ASIC2: variants seen among roughly 807,000 people sequenced by gnomAD.
ASIC2 encodes acid sensing ion channel subunit 2.
In ASIC2, 25 loss-of-function variants were observed where a neutral mutation model predicts 57.3. The observed-to-expected ratio is 0.44, with a 90% CI of 0.32 to 0.61. The LOEUF is 0.61. Ranked by LOEUF, ASIC2 falls within the 20% of genes least tolerant of loss-of-function variation. The pLI is 0.06. For missense variants in ASIC2, 641 were observed against 738.1 expected, an observed-to-expected ratio of 0.87 and a Z score of 1.52; for synonymous variants, 319 against 307.5, an observed-to-expected ratio of 1.04 and a Z score of -0.39.
chr17:33,606,647 T>G (rs1905239570), intron 1 of ASIC2, among the ~76,000 whole-genome samples: 1 of 152,222 alleles, frequency 6.6e-6, no homozygotes, highest in Admixed American at 6.5e-5. Context: ...GTATGTAGCA[T>G]AGTGCCTGGC....
At chr17:33,635,236 GATA>G (rs539442098) in intron 1 of ASIC2, among the ~76,000 whole-genome samples, 99 of 152,284 alleles carry the variant, frequency 6.5e-4, no homozygotes, top group Admixed American at 2.2e-3. Flanking sequence ...GGTCAATAAT[GATA>G]ATAATAACGT....
chr17:33,387,784 C>T (rs1217364198), intron 1 of ASIC2, among the ~76,000 whole-genome samples: 2 of 152,144 alleles, frequency 1.3e-5, no homozygotes, highest in Non-Finnish European at 2.9e-5. Context: ...TTGAAATTTG[C>T]TAAGAGGGGA....
At chr17:33,569,638 C>G (rs112094628) in intron 1 of ASIC2, among the ~76,000 whole-genome samples, 1 of 152,028 alleles carries the variant, frequency 6.6e-6, no homozygotes, top group Non-Finnish European at 1.5e-5. Context: ...CATGCACACA[C>G]CCAGCTATTT....
At chr17:33,738,837 G>A (rs1489113039) in intron 1 of ASIC2, among the ~76,000 whole-genome samples, 1 of 152,208 alleles carries the variant, frequency 6.6e-6, no homozygotes, top group East Asian at 1.9e-4. Flanking sequence ...GGTGGCTTAA[G>A]TCAGCTCTCA....
At chr17:34,095,088 T>C (rs1910469120) in intron 1 of ASIC2, among the ~76,000 whole-genome samples, 1 of 152,202 alleles carries the variant, frequency 6.6e-6, no homozygotes, top group Admixed American at 6.5e-5. Context: ...ATATATAAAA[T>C]GGAAACATTA....
chr17:33,363,562 C>T (rs1908691780), intron 1 of ASIC2, among the ~76,000 whole-genome samples: 1 of 152,220 alleles, frequency 6.6e-6, no homozygotes, highest in South Asian at 2.1e-4. Context: ...GGGTCAGAAA[C>T]CTAGCCCTGC....
intron 1 of ASIC2, among the ~76,000 whole-genome samples, chr17:33,593,028 T>G (rs1436021294): frequency 6.6e-6 from 1 of 152,194 alleles, no homozygotes; most frequent in Non-Finnish European, 1.5e-5. Context: ...TTGAAGTGTA[T>G]GTCTATTTTT....
intron 1 of ASIC2, among the ~76,000 whole-genome samples, chr17:33,661,079 G>A (rs975561664): frequency 9.9e-5 from 15 of 152,082 alleles, no homozygotes; most frequent in African/African-American, 3.4e-4. Context: ...AGCTCCCGGG[G>A]AGAAGCCAAG....
intron 1 of ASIC2, among the ~76,000 whole-genome samples, chr17:33,506,210 T>C (rs112325702): frequency 0.016 from 2,068 of 133,280 alleles, 26 homozygotes; most frequent in Admixed American, 0.022. Flanking sequence ...CTGGCTAACA[T>C]GGTGAAACCC....
intron 1 of ASIC2, among the ~76,000 whole-genome samples, chr17:33,670,131 A>G (rs1167884935): frequency 6.6e-6 from 1 of 152,136 alleles, no homozygotes; most frequent in Non-Finnish European, 1.5e-5. Context: ...ACCAAAACAG[A>G]GACTGGCAGC....
chr17:33,755,878 G>C (rs1478033208), intron 1 of ASIC2, among the ~76,000 whole-genome samples: 3 of 152,220 alleles, frequency 2.0e-5, no homozygotes, highest in Non-Finnish European at 4.4e-5. Context: ...CAAGTTAGGT[G>C]CACGAGGAGG....
chr17:33,432,056 G>A lies in ASIC2; in HGVS notation c.556-319989C>T, dbSNP rs551967872. Among the ~76,000 whole-genome samples, 6 of 152,248 alleles carry A rather than the reference G, an allele frequency of 3.9e-5. No homozygotes were observed. In the South Asian group the frequency reaches 6.2e-4, roughly 16 times the overall value. The stretch of plus-strand genomic sequence containing the variant: ...TCAGAAATGAAGACCAAACTAGAAG[G>A]ATCACAAGAGTAAATTAATACAATT... On this transcript the variant is annotated intron_variant, in intron 1 of 9. Coordinates refer to the ASIC2 transcript ENST00000359872.
At chr17:33,196,389 C>G (rs879575992) in intron 1 of ASIC2, among the ~76,000 whole-genome samples, 35 of 152,130 alleles carry the variant, frequency 2.3e-4, no homozygotes, top group Non-Finnish European at 1.3e-4. Context: ...GCAAAAGATG[C>G]TCCAGCCTCC....
chr17:33,854,165 C>G (rs1403897773), intron 1 of ASIC2, among the ~76,000 whole-genome samples: 2 of 152,170 alleles, frequency 1.3e-5, no homozygotes, highest in African/African-American at 4.8e-5. Context: ...CATTTCTTTG[C>G]TAGTTAATGG....
intron 1 of ASIC2, among the ~76,000 whole-genome samples, chr17:33,422,378 G>A (rs1911074550): frequency 6.6e-6 from 1 of 152,192 alleles, no homozygotes; most frequent in African/African-American, 2.4e-5. Flanking sequence ...GATAGAGTAG[G>A]GCATGCCAGG....
intron 3 of ASIC2, among the ~76,000 whole-genome samples, chr17:33,048,772 GT>G (rs1372302793): frequency 4.6e-5 from 7 of 152,216 alleles, no homozygotes; most frequent in Admixed American, 3.9e-4. Context: ...TCCAGGTTGG[GT>G]TTGGATCTTT....
intron 1 of ASIC2, among the ~76,000 whole-genome samples, chr17:33,831,785 G>T (rs1404408309): frequency 6.6e-6 from 1 of 152,130 alleles, no homozygotes; most frequent in Non-Finnish European, 1.5e-5. Context: ...ATGGCACACT[G>T]TCAGGAGTTT....
intron 1 of ASIC2, among the ~76,000 whole-genome samples, chr17:33,282,881 T>A (rs990246479): frequency 6.6e-6 from 1 of 152,240 alleles, no homozygotes; most frequent in Non-Finnish European, 1.5e-5. Context: ...CCCATCCAGA[T>A]AACCCAGGAT....
At chr17:33,908,308 T>A (rs991705102) in intron 1 of ASIC2, among the ~76,000 whole-genome samples, 9 of 152,210 alleles carry the variant, frequency 5.9e-5, no homozygotes, top group African/African-American at 2.2e-4. Flanking sequence ...TAATTTGGAC[T>A]AAAAAATTCC....
Sources: allele counts gnomAD v4.1 joint callset (sites outside exome capture counted in the v4.1 genomes callset), GRCh38; gene constraint gnomAD v4.1.1; transcripts MANE v1.5; gene names NCBI Gene and HGNC (gene_info 2026-07-23, HGNC 2026-07-21).